The following FMN1 variants were observed in gnomAD, a reference collection of about 807,000 sequenced individuals.
The protein encoded by FMN1 is formin 1.
A neutral mutation model predicts 132.4 loss-of-function variants in FMN1; 110 were observed. The observed-to-expected ratio is 0.83, with a 90% CI of 0.71 to 0.97. FMN1 has a LOEUF of 0.97. Among genes scored for constraint, FMN1 ranks in the 50% least tolerant of loss-of-function variants. The probability of loss-of-function intolerance (pLI) is 0.00; values close to 1 mark genes in which losing one functional copy is unlikely to be tolerated. For synonymous variants in FMN1, 722 were observed against 651.7 expected, an observed-to-expected ratio of 1.11 and a Z score of -1.64; for missense variants, 1,792 against 1,705.3, an observed-to-expected ratio of 1.05 and a Z score of -0.90.
chr15:32,938,564 T>C (rs2061332022), intron 9 of FMN1, among the ~76,000 whole-genome samples: 1 of 152,162 alleles, frequency 6.6e-6, no homozygotes, highest in Admixed American at 6.5e-5. Context: ...TTGTTAAGAA[T>C]GCTACAACGA....
intron 17 of FMN1, among the ~76,000 whole-genome samples, chr15:32,829,433 G>A (rs1596028495): frequency 6.6e-6 from 1 of 152,272 alleles, no homozygotes; most frequent in East Asian, 1.9e-4. Flanking sequence ...GGAGAGGGGG[G>A]TGAAAGATAG....
chr15:33,151,778 C>G lies in FMN1; in HGVS notation c.1867+1270G>C, dbSNP rs189795347. Among the ~76,000 whole-genome samples the G allele has an allele frequency of 4.6e-5, 7 of 152,258 alleles. No individual in the cohort carries two copies. In the East Asian group the frequency reaches 1.3e-3, roughly 29 times the overall value. On this transcript the variant is annotated intron_variant, in intron 4 of 20. Transcript: ENST00000616417. ...CCGACAGGAGAAAGAATTTTCATCACTAGGGTTCTGCAATACATGATATAA... is the reference window on the plus strand; with the variant it reads ...CCGACAGGAGAAAGAATTTTCATCAGTAGGGTTCTGCAATACATGATATAA...
chr15:33,130,961 C>G (rs1963516129), intron 4 of FMN1, among the ~76,000 whole-genome samples: 1 of 152,130 alleles, frequency 6.6e-6, no homozygotes. Context: ...GCAAACAATA[C>G]TTGTGATGGT....
Position 33,159,302 on chromosome 15 carries a change from T to C in FMN1, c.-131-4257A>G, listed in dbSNP as rs1051291728. ...TTCAGATGTAGGTGACTGGGTAGATTGTGGTGCCATTCACAAAGATAAATG... is the reference window on the plus strand; with the variant it reads ...TTCAGATGTAGGTGACTGGGTAGATCGTGGTGCCATTCACAAAGATAAATG... On this transcript the variant is annotated intron_variant, in intron 3 of 20. Transcript: ENST00000616417. Among the ~76,000 whole-genome samples the C allele has an allele frequency of 7.2e-5, 11 of 152,164 alleles. No individual in the cohort carries two copies. The East Asian group carries it at 1.9e-3, about 27-fold the overall frequency.
At chr15:32,871,948 G>C (rs1042219083) in intron 16 of FMN1, among the ~76,000 whole-genome samples, 2 of 151,830 alleles carry the variant, frequency 1.3e-5, no homozygotes, top group African/African-American at 4.8e-5. Flanking sequence ...TCAAACACAA[G>C]ACCATAACTG....
At chr15:33,179,637 C>T (rs1399580636) in intron 3 of FMN1, among the ~76,000 whole-genome samples, 2 of 152,182 alleles carry the variant, frequency 1.3e-5, no homozygotes, top group Admixed American at 1.3e-4. Flanking sequence ...TCCCCTACAA[C>T]TATAGAATGT....
Position 33,059,157 on chromosome 15 carries a change from G to A in FMN1, c.2161+5800C>T, listed in dbSNP as rs535381692. Among the ~76,000 whole-genome samples the A allele has an allele frequency of 5.0e-4, 76 of 152,200 alleles. No homozygotes were observed. The Middle Eastern group carries it at 0.01, about 20-fold the overall frequency. ...AGCATGCAACATTTGTCTTTCTTGT[G>A]CCTGGCTTATTTCACATAGCATAAG... is the stretch of plus-strand genomic sequence containing the variant. On this transcript the variant is annotated intron_variant, in intron 6 of 20. Transcript: ENST00000616417.
At chr15:32,945,597 A>C (rs2061493114) in intron 9 of FMN1, among the ~76,000 whole-genome samples, 1 of 152,220 alleles carries the variant, frequency 6.6e-6, no homozygotes, top group Non-Finnish European at 1.5e-5. Context: ...AATTACGCCA[A>C]GCTGGTTAGA....
At chr15:32,919,151 T>C (rs2060756571) in intron 10 of FMN1, among the ~76,000 whole-genome samples, 1 of 145,148 alleles carries the variant, frequency 6.9e-6, no homozygotes, top group Non-Finnish European at 1.5e-5. Context: ...TTTCAACATA[T>C]TGTGATGGGG....
chr15:33,024,902 A>G (rs1335906878), intron 6 of FMN1, among the ~76,000 whole-genome samples: 2 of 152,250 alleles, frequency 1.3e-5, no homozygotes, highest in Non-Finnish European at 2.9e-5. Context: ...TGAATGAAAT[A>G]GAGCTATACA....
intron 5 of FMN1, chr15:33,067,379 G>A: frequency 6.2e-7 from 1 of 1,613,968 alleles, no homozygotes; most frequent in South Asian, 1.1e-5. Flanking sequence ...AACACCACTA[G>A]GGGACTTTGG....
chr15:33,163,916 C>T (rs1274883379), intron 3 of FMN1, among the ~76,000 whole-genome samples: 1 of 151,976 alleles, frequency 6.6e-6, no homozygotes, highest in Non-Finnish European at 1.5e-5. Flanking sequence ...CTGCGCCTGG[C>T]CTGTTTTTGT....
intron 17 of FMN1, among the ~76,000 whole-genome samples, chr15:32,854,710 C>T (rs949985716): frequency 2.6e-5 from 4 of 151,824 alleles, no homozygotes; most frequent in South Asian, 2.1e-4. Flanking sequence ...GTCAGGAGTT[C>T]GAGACCAGCC....
intron 6 of FMN1, among the ~76,000 whole-genome samples, chr15:33,058,090 GTGCTGGTGGAAAGGTGCGGCGGGGC>G (rs2037315740): frequency 9.1e-6 from 1 of 110,462 alleles, no homozygotes; most frequent in Non-Finnish European, 2.3e-5. Context: ...TGTGATGGGG[GTGCTGGTGGAAAGGTGCGGCGGGGC>G]TGCTGGTGGA....
intron 3 of FMN1, among the ~76,000 whole-genome samples, chr15:33,174,818 C>T (rs1028801049): frequency 1.3e-5 from 2 of 152,150 alleles, no homozygotes; most frequent in African/African-American, 4.8e-5. Context: ...TATAGAATAG[C>T]GGGACAATCA....
intron 5 of FMN1, among the ~76,000 whole-genome samples, chr15:33,076,899 C>T (rs1238218861): frequency 1.3e-5 from 2 of 152,190 alleles, no homozygotes; most frequent in African/African-American, 4.8e-5. Context: ...ACAAATGAAT[C>T]CTGAATCAGC....
At chr15:33,045,479 G>A (rs1596542654) in intron 6 of FMN1, among the ~76,000 whole-genome samples, 1 of 152,208 alleles carries the variant, frequency 6.6e-6, no homozygotes, top group African/African-American at 2.4e-5. Context: ...GGACCCACTT[G>A]TCTCCTTTGA....
intron 3 of FMN1, among the ~76,000 whole-genome samples, chr15:33,165,604 G>A (rs1965074320): frequency 6.6e-6 from 1 of 152,134 alleles, no homozygotes; most frequent in South Asian, 2.1e-4. Flanking sequence ...TGTTAGCCAG[G>A]ATGGTCTCAA....
intron 6 of FMN1, among the ~76,000 whole-genome samples, chr15:33,020,038 C>T (rs1260093134): frequency 6.6e-6 from 1 of 152,102 alleles, no homozygotes; most frequent in East Asian, 1.9e-4. Flanking sequence ...ACTATGCTTT[C>T]TAGTAAACCA....
Sources: gnomAD v4.1 joint callset for allele counts (sites outside exome capture counted in the v4.1 genomes callset) on GRCh38, gnomAD v4.1.1 for gene constraint, MANE v1.5 for transcripts, NCBI Gene and HGNC (gene_info 2026-07-23, HGNC 2026-07-21) for gene names.